The following ADARB2 variants were observed in gnomAD, a reference collection of about 807,000 sequenced individuals.
The protein encoded by ADARB2 is inactive double-stranded RNA-specific editase B2.
Under a neutral mutation model 62.2 loss-of-function variants are expected in ADARB2, and 25 were observed. That is an observed-to-expected ratio of 0.40 (90% confidence interval 0.29 to 0.56). The LOEUF is 0.56. ADARB2 is among the 20% of genes least tolerant of loss of function. The pLI is 0.43. For missense variants in ADARB2, 1,071 were observed against 1,077.4 expected, an observed-to-expected ratio of 0.99 and a Z score of 0.08; for synonymous variants, 572 against 500.8, an observed-to-expected ratio of 1.14 and a Z score of -1.90.
intron 1 of ADARB2, among the ~76,000 whole-genome samples, chr10:1,645,604 T>G (rs2173524): frequency 0.54 from 82,282 of 151,916 alleles, 24,083 homozygotes; most frequent in Non-Finnish European, 0.66. Context: ...ACTCACACCG[T>G]CAGTGTATTT....
chr10:1,223,323 C>T (rs565076390), intron 6 of ADARB2, among the ~76,000 whole-genome samples: 54 of 152,262 alleles, frequency 3.5e-4, no homozygotes, highest in African/African-American at 1.0e-3. Flanking sequence ...TGGGCTGAGA[C>T]GATGGGGTTT....
chr10:1,500,040 C>T (rs897247335), intron 1 of ADARB2, among the ~76,000 whole-genome samples: 5 of 152,202 alleles, frequency 3.3e-5, no homozygotes, highest in East Asian at 1.9e-4. Context: ...AACTGCACAA[C>T]GTATTTTATT....
At chr10:1,346,510 C>T (rs1832082476) in intron 3 of ADARB2, among the ~76,000 whole-genome samples, 1 of 152,222 alleles carries the variant, frequency 6.6e-6, no homozygotes, top group Non-Finnish European at 1.5e-5. Flanking sequence ...GTTACTGAGT[C>T]TTGCTCTTCA....
intron 1 of ADARB2, among the ~76,000 whole-genome samples, chr10:1,686,620 CAAT>C (rs1242369161): frequency 1.3e-5 from 2 of 152,154 alleles, no homozygotes; most frequent in African/African-American, 2.4e-5. Flanking sequence ...TTCCGGCACA[CAAT>C]TAGCTGATGC....
chr10:1,459,881 G>A (rs184969058), intron 1 of ADARB2, among the ~76,000 whole-genome samples: 22 of 152,358 alleles, frequency 1.4e-4, no homozygotes, highest in African/African-American at 5.1e-4. Flanking sequence ...TGTGCATGAG[G>A]CTTAACACCT....
chr10:1,665,397 G>A (rs1834303532), intron 1 of ADARB2, among the ~76,000 whole-genome samples: 2 of 152,248 alleles, frequency 1.3e-5, no homozygotes, highest in African/African-American at 4.8e-5. Flanking sequence ...TGGGGAACTC[G>A]CATCCACCCA....
In ADARB2 at chr10:1,737,154, C is replaced by T. The variant is rs1564208726; in HGVS notation, c.-4G>A. On this transcript the variant is annotated 5_prime_UTR_variant, in exon 1 of 10. Coordinates refer to ENST00000381312, the MANE Select transcript of ADARB2 (RefSeq NM_018702.4). ...CGCTCCCCAGGACCGAGGCCATGGC[C>T]GAGACCCAGGCGCGGAGCCCAGAGC... 5.0e-6 allele frequency: 8 copies of T among 1,606,692 alleles called. No homozygotes were observed. Among genetic ancestry groups the T allele is most frequent in the Non-Finnish European group, 6.8e-6 (8 of 1,179,832 alleles).
Position 1,281,423 on chromosome 10 carries a change from A to G in ADARB2, c.1078-10354T>C, listed in dbSNP as rs374203547. Among the ~76,000 whole-genome samples, 9 of 152,250 alleles carry G rather than the reference A, an allele frequency of 5.9e-5. No individual in the cohort carries two copies. In the East Asian group the frequency reaches 1.2e-3, roughly 20 times the overall value. On this transcript the variant is annotated intron_variant, in intron 3 of 9. Coordinates refer to ENST00000381312, the MANE Select transcript of ADARB2 (RefSeq NM_018702.4). ...GGTGGTTTGTGGATTCAGGTATGCA[A>G]TAGGAGGCCCAGGCAAAGCACCATG...
chr10:1,463,246 C>G (rs886430576), intron 1 of ADARB2, among the ~76,000 whole-genome samples: 1 of 152,186 alleles, frequency 6.6e-6, no homozygotes, highest in African/African-American at 2.4e-5. Context: ...AGTGTTTCCT[C>G]TCTGGGGCGT....
intron 1 of ADARB2, among the ~76,000 whole-genome samples, chr10:1,403,975 G>GCGACA (rs147669888): frequency 0.019 from 2,871 of 152,274 alleles, 38 homozygotes; most frequent in Middle Eastern, 0.044. Context: ...GTTGTGGGGA[G>GCGACA]CGACATTGCA....
At chr10:1,570,077 T>G (rs17156488) in intron 1 of ADARB2, among the ~76,000 whole-genome samples, 42,965 of 151,984 alleles carry the variant, frequency 0.28, 6,202 homozygotes, top group South Asian at 0.34. Flanking sequence ...CAAGATTTGT[T>G]GTCTCATTCA....
chr10:1,690,820 C>T (rs972394383), intron 1 of ADARB2, among the ~76,000 whole-genome samples: 4 of 152,228 alleles, frequency 2.6e-5, no homozygotes, highest in African/African-American at 4.8e-5. Context: ...TCGGCTTGGC[C>T]GGGTCTCCCC....
At chr10:1,604,051 C>T (rs1208331394) in intron 1 of ADARB2, among the ~76,000 whole-genome samples, 3 of 152,110 alleles carry the variant, frequency 2.0e-5, no homozygotes, top group Non-Finnish European at 4.4e-5. Context: ...GTGATCCACC[C>T]ACCTCGGCCT....
chr10:1,259,667 C>T (rs1831115064), intron 4 of ADARB2, among the ~76,000 whole-genome samples: 1 of 152,052 alleles, frequency 6.6e-6, no homozygotes, highest in African/African-American at 2.4e-5. Flanking sequence ...AATAGCTTAC[C>T]AACCAAAAAA....
At chr10:1,321,576 G>C (rs182186036) in intron 3 of ADARB2, among the ~76,000 whole-genome samples, 306 of 152,010 alleles carry the variant, frequency 2.0e-3, no homozygotes, top group South Asian at 3.5e-3. Context: ...TAGAGATGGG[G>C]GTCTCATTAT....
intron 8 of ADARB2, among the ~76,000 whole-genome samples, chr10:1,196,783 G>T (rs1420692572): frequency 6.6e-6 from 1 of 151,694 alleles, no homozygotes; most frequent in Non-Finnish European, 1.5e-5. Flanking sequence ...TTTTCTTTCT[G>T]TAGACATGGG....
intron 3 of ADARB2, among the ~76,000 whole-genome samples, chr10:1,299,344 A>G (rs1831553017): frequency 6.6e-6 from 1 of 152,074 alleles, no homozygotes; most frequent in African/African-American, 2.4e-5. Flanking sequence ...GGACGTGGCC[A>G]CAGCCCCAGC....
chr10:1,726,144 G>A (rs1835161181), intron 1 of ADARB2, among the ~76,000 whole-genome samples: 1 of 152,214 alleles, frequency 6.6e-6, no homozygotes. Flanking sequence ...CCAAAAATGA[G>A]CAGAGCCTAG....
intron 5 of ADARB2, among the ~76,000 whole-genome samples, chr10:1,241,015 A>C (rs563517983): frequency 6.6e-6 from 1 of 152,060 alleles, no homozygotes; most frequent in Non-Finnish European, 1.5e-5. Flanking sequence ...TCATGCCTGT[A>C]ATCTCAGCAC....
Sources: gnomAD v4.1 joint callset for allele counts (sites outside exome capture counted in the v4.1 genomes callset) on GRCh38, gnomAD v4.1.1 for gene constraint, MANE v1.5 for transcripts, NCBI Gene and HGNC (gene_info 2026-07-23, HGNC 2026-07-21) for gene names.